Variants in DTWD1 observed in about 807,000 individuals in gnomAD.
DTWD1 encodes DTW motif tRNA-uridine aminocarboxypropyltransferase 1.
In DTWD1, 27 loss-of-function variants were observed where a neutral mutation model predicts 30.2. That is an observed-to-expected ratio of 0.90 (90% confidence interval 0.66 to 1.23). DTWD1 has a LOEUF of 1.23. DTWD1 is among the 50% of genes most tolerant of loss of function. DTWD1 has a pLI of 0.00. For missense variants in DTWD1, 342 were observed against 348.8 expected (o/e 0.98, Z 0.15); for synonymous variants, 99 against 113.1 (o/e 0.88, Z 0.79).
intron 4 of DTWD1, among the ~76,000 whole-genome samples, chr15:49,635,765 A>G (rs952623723): frequency 1.4e-4 from 21 of 152,162 alleles, no homozygotes; most frequent in African/African-American, 5.1e-4. Context: ...AAGTGCTGGG[A>G]TTACAGGTGT....
intron 4 of DTWD1, among the ~76,000 whole-genome samples, chr15:49,641,267 CT>C (rs1161617188): frequency 6.6e-6 from 1 of 151,438 alleles, no homozygotes; most frequent in Non-Finnish European, 1.5e-5. Context: ...ATTTTTGTTT[CT>C]TTTTTTGATT....
intron 2 of DTWD1, among the ~76,000 whole-genome samples, chr15:49,627,279 CT>C (rs1181861175): frequency 6.6e-6 from 1 of 152,106 alleles, no homozygotes; most frequent in African/African-American, 2.4e-5. Context: ...AAATTTGATA[CT>C]TTAATATACA....
In DTWD1 at chr15:49,650,957, A is replaced by G. The variant is rs2079149205; in HGVS notation, c.*7379A>G. On this transcript the variant is annotated 3_prime_UTR_variant, in exon 5 of 5. Transcript: ENST00000403028. ...ATGAGAATCCCATCACATGTGGCACATGGAACAAAAGCCCATGGCTCAAGG... is the reference window on the plus strand; with the variant it reads ...ATGAGAATCCCATCACATGTGGCACGTGGAACAAAAGCCCATGGCTCAAGG... The G allele has an allele frequency of 6.6e-6, 1 of 152,206 alleles. No homozygotes were observed. Among genetic ancestry groups the G allele is most frequent in the African/African-American group, 2.4e-5 (1 of 41,474 alleles). The allele number at this position is 152,206 out of a possible 1,614,324, so 9.4% of individuals were successfully genotyped here.
At chr15:49,639,949 A>G (rs1157207055) in intron 4 of DTWD1, among the ~76,000 whole-genome samples, 5 of 152,154 alleles carry the variant, frequency 3.3e-5, no homozygotes, top group South Asian at 2.1e-4. Context: ...ATATTTTTAA[A>G]TAAATTGTGA....
chr15:49,636,432 A>C (rs546346317), intron 4 of DTWD1, among the ~76,000 whole-genome samples: 32 of 152,174 alleles, frequency 2.1e-4, no homozygotes, highest in African/African-American at 7.7e-4. Flanking sequence ...TCCATATTCA[A>C]ATTTCCCTAA....
intron 4 of DTWD1, among the ~76,000 whole-genome samples, chr15:49,640,260 T>A (rs1381661354): frequency 6.6e-6 from 1 of 152,122 alleles, no homozygotes; most frequent in African/African-American, 2.4e-5. Flanking sequence ...TTTCTAGGGT[T>A]TATATATATT....
At chr15:49,628,885 T>A (rs573205767) in intron 2 of DTWD1, among the ~76,000 whole-genome samples, 9 of 152,192 alleles carry the variant, frequency 5.9e-5, no homozygotes, top group Non-Finnish European at 1.2e-4. Flanking sequence ...TGGATACATG[T>A]GCAGAACTTG....
intron 4 of DTWD1, among the ~76,000 whole-genome samples, chr15:49,641,043 T>G (rs936075099): frequency 6.6e-6 from 1 of 151,978 alleles, no homozygotes; most frequent in Non-Finnish European, 1.5e-5. Flanking sequence ...AATTTATTGT[T>G]CTTTATTACT....
intron 4 of DTWD1, among the ~76,000 whole-genome samples, chr15:49,636,845 T>C (rs1433069677): frequency 1.3e-5 from 2 of 152,200 alleles, no homozygotes; most frequent in African/African-American, 4.8e-5. Context: ...AAATTGTCTA[T>C]CATTTGTGAT....
chr15:49,643,294 C>G, intron 4 of DTWD1, 37 bp from the exon 5 acceptor site: 2 of 1,381,106 alleles, frequency 1.4e-6, no homozygotes, highest in South Asian at 1.6e-5. Context: ...TATATTTTTT[C>G]TTTCTTTCTT....
intron 4 of DTWD1, among the ~76,000 whole-genome samples, chr15:49,637,862 T>C (rs2079021299): frequency 6.6e-6 from 1 of 152,230 alleles, no homozygotes; most frequent in Non-Finnish European, 1.5e-5. Flanking sequence ...GCTTAATTTA[T>C]ATAGTTTATG....
At chr15:49,636,409 A>G (rs1255745706) in intron 4 of DTWD1, among the ~76,000 whole-genome samples, 12 of 152,144 alleles carry the variant, frequency 7.9e-5, no homozygotes, top group African/African-American at 2.9e-4. Context: ...ACATAATATC[A>G]TCTAATATAC....
rs184039762 is a variant in DTWD1 at position 49,643,376 on chromosome 15, G to C, written c.713G>C (p.Arg238Pro). 2 of 1,560,560 alleles carry C rather than the reference G, an allele frequency of 1.3e-6. No homozygotes were observed. ...ELKTRKTCFW[R>P]HQKGKPDTFL... ...AAAACAAGAAAAACTTGCTTTTGGC[G>C]CCATCAAAAAGGAAAGCCAGATACT... Residue 238 changes from arginine to proline, a missense_variant, in exon 5 of 5, where the codon CGC (arginine) becomes CCC (proline). Coordinates refer to ENST00000403028, the MANE Select transcript of DTWD1 (RefSeq NM_001144955.2).
At chr15:49,624,777 C>A (rs2078817364) in intron 1 of DTWD1, among the ~76,000 whole-genome samples, 1 of 152,142 alleles carries the variant, frequency 6.6e-6, no homozygotes, top group South Asian at 2.1e-4. Flanking sequence ...AATGTCAATT[C>A]AAAGTCAGAG....
chr15:49,642,338 A>G (rs569674196), intron 4 of DTWD1, among the ~76,000 whole-genome samples: 2 of 152,282 alleles, frequency 1.3e-5, no homozygotes, highest in East Asian at 3.9e-4. Flanking sequence ...GGTTTGTATG[A>G]AGACAGCTGA....
intron 2 of DTWD1, chr15:49,630,025 A>G (rs1303681934): frequency 2.0e-5 from 3 of 149,448 alleles, no homozygotes; most frequent in Non-Finnish European, 4.4e-5. Context: ...GGAACTAATG[A>G]CACACACACA....
In DTWD1 at chr15:49,649,190, A is replaced by AAAGGACT. The variant is rs2079138355; in HGVS notation, c.*5613_*5619dup. On this transcript the variant is annotated 3_prime_UTR_variant, in exon 5 of 5. Coordinates refer to ENST00000403028, the MANE Select transcript of DTWD1 (RefSeq NM_001144955.2). ...TATATCGACCAATAATCAGGATATT[A>AAAGGACT]AAGGACTTCTTAACAACATTGGAAA... 1 of 152,226 alleles carries AAAGGACT rather than the reference A, an allele frequency of 6.6e-6. No homozygotes were observed. Among genetic ancestry groups the AAAGGACT allele is most frequent in the South Asian group, 2.1e-4 (1 of 4,834 alleles). 9.4% of individuals were successfully genotyped at this position (152,226 alleles called of 1,614,324 possible). A position where few individuals can be genotyped will look rare whatever the true frequency, so the allele number is the denominator to read the frequency against.
intron 4 of DTWD1, among the ~76,000 whole-genome samples, chr15:49,642,745 A>G (rs2079079540): frequency 6.6e-6 from 1 of 151,242 alleles, no homozygotes; most frequent in African/African-American, 2.5e-5. Flanking sequence ...ATAGCAAGAC[A>G]CTGTCTCTAA....
chr15:49,637,288 T>C lies in DTWD1; in HGVS notation c.667+2494T>C, dbSNP rs947990736. ...AATAATCTTTTTGATGCTCTAGTTC[T>C]CTCAAATTTTGCCAGTGGAAACCCT... On this transcript the variant is annotated intron_variant, in intron 4 of 4. Transcript: ENST00000403028. Among the ~76,000 whole-genome samples the C allele has an allele frequency of 6.6e-5, 10 of 152,170 alleles. 1 individual carries two copies. Among genetic ancestry groups the C allele is most frequent in the African/African-American group, 2.4e-4 (10 of 41,446 alleles).
Sources: allele counts gnomAD v4.1 joint callset (sites outside exome capture counted in the v4.1 genomes callset), GRCh38; gene constraint gnomAD v4.1.1; transcripts MANE v1.5; gene names NCBI Gene and HGNC (gene_info 2026-07-23, HGNC 2026-07-21).